TMEM128: variants seen among roughly 807,000 people sequenced by gnomAD.
The protein encoded by TMEM128 is transmembrane protein 128.
TMEM128 carries 16 observed loss-of-function variants against 19.7 expected under a neutral mutation model. That is an observed-to-expected ratio of 0.81 (90% CI 0.55 to 1.23). The LOEUF (loss-of-function observed/expected upper bound fraction) is 1.23, where lower values mean the gene tolerates loss of function less well. Among genes scored for constraint, TMEM128 ranks in the 50% most tolerant of loss-of-function variants. TMEM128 has a pLI of 0.00. For missense variants in TMEM128, 237 were observed against 200.8 expected (o/e 1.18, Z -1.09); for synonymous variants, 98 against 75.8 (o/e 1.29, Z -1.52).
rs779242372 is a variant in TMEM128 at position 4,248,195 on chromosome 4, G to A, written c.8C>T (p.Ser3Phe). The A allele has an allele frequency of 3.9e-6, 6 of 1,524,852 alleles. No individual in the cohort carries two copies. The South Asian group carries it at 4.8e-5, about 12-fold the overall frequency. The allele number at this position is 1,524,852 out of a possible 1,614,324, so 94.5% of individuals were successfully genotyped here. Reference protein sequence around the residue: MDSSRARQQLRRR... With the variant: MDFSRARQQLRRR... ...CCGGAGCTGCTGCCGGGCCCGCGAG[G>A]AGTCCATCTTGGTACCGCCCCGAAA... The change falls in exon 1 of 5, where the codon TCC (serine) becomes TTC (phenylalanine). Residue 3 changes from serine to phenylalanine, a missense_variant. By Grantham distance (155) the Ser-to-Phe change is radical. Coordinates refer to ENST00000382753, the MANE Select transcript of TMEM128 (RefSeq NM_001297551.2).
At chr4:4,239,666 T>G (rs111359189) in intron 3 of TMEM128, among the ~76,000 whole-genome samples, 1 of 151,794 alleles carries the variant, frequency 6.6e-6, no homozygotes, top group Non-Finnish European at 1.5e-5. Context: ...CTAAACACAA[T>G]CAACAAGGGA....
chr4:4,242,881 T>C (rs760848904), intron 2 of TMEM128, among the ~76,000 whole-genome samples: 26 of 152,154 alleles, frequency 1.7e-4, no homozygotes, highest in Non-Finnish European at 2.9e-5. Context: ...TCCTCGGCCC[T>C]GGCTTTATAT....
chr4:4,242,290 G>A (rs1449889208), intron 2 of TMEM128, among the ~76,000 whole-genome samples: 1 of 138,878 alleles, frequency 7.2e-6, no homozygotes, highest in Non-Finnish European at 1.6e-5. Flanking sequence ...GCTAGAGCAT[G>A]CAATCTCACT....
At chr4:4,237,785 C>G in intron 4 of TMEM128, 42 bp downstream of exon 4, 1 of 1,322,082 alleles carries the variant, frequency 7.6e-7, no homozygotes, top group Non-Finnish European at 1.1e-6. Context: ...AGACATTTTT[C>G]AAACGAGTTC....
In TMEM128 at chr4:4,248,114, G is replaced by C. The variant is rs999653186; in HGVS notation, c.89C>G (p.Ala30Gly). 1 of 1,536,218 alleles carries C rather than the reference G, an allele frequency of 6.5e-7. No individual in the cohort carries two copies. The highest frequency in any genetic ancestry group is 1.4e-5 in the African/African-American group (1 of 72,292). ...AEAQLDREGD[A>G]GPETSTAVEK... Reference sequence around the variant, plus strand: ...CTTGGTGCGCGCCTCACCCGGCCCGGCGTCACCCTCGCGGTCCAGCTGGGC... The same window carrying C: ...CTTGGTGCGCGCCTCACCCGGCCCGCCGTCACCCTCGCGGTCCAGCTGGGC... The change falls in exon 1 of 5, where the codon GCC (alanine) becomes GGC (glycine). Residue 30 changes from alanine to glycine, a missense_variant. By Grantham distance (60) the Ala-to-Gly change is moderately conservative. Coordinates refer to ENST00000382753, the MANE Select transcript of TMEM128 (RefSeq NM_001297551.2).
chr4:4,238,085 C>G lies in TMEM128; in HGVS notation c.399-150G>C. 3 of 508,862 alleles carry G rather than the reference C, an allele frequency of 5.9e-6. No homozygotes were observed. In the South Asian group the frequency reaches 9.9e-5, roughly 17 times the overall value. 31.5% of individuals were successfully genotyped at this position (508,862 alleles called of 1,614,324 possible). A position where few individuals can be genotyped will look rare whatever the true frequency, so the allele number is the denominator to read the frequency against. ...CATATTTCTCAAGTATGTGACTTAG[C>G]CAATGCTGGAAAGGAAAACTCTAGA... On this transcript the variant is annotated intron_variant, in intron 3 of 4. Coordinates refer to ENST00000382753, the MANE Select transcript of TMEM128 (RefSeq NM_001297551.2).
At chr4:4,240,248 C>T in intron 3 of TMEM128, 73 bp downstream of exon 3, 4 of 1,478,626 alleles carry the variant, frequency 2.7e-6, no homozygotes, top group Non-Finnish European at 3.7e-6. Flanking sequence ...GAAGTTTGGA[C>T]CAAGCATATC....
At position 4,236,242 on chromosome 4, in the gene TMEM128, T is replaced by A. The variant is rs1274325622; in HGVS notation, c.*24A>T. On this transcript the variant is annotated 3_prime_UTR_variant, in exon 5 of 5. Coordinates refer to ENST00000382753, the MANE Select transcript of TMEM128 (RefSeq NM_001297551.2). Reference sequence around the variant, plus strand: ...GAGTTCAAAGACAGCCTGGGCAACATAGAAGACCCTGTCTCTTAAAAAAAA... The same window carrying A: ...GAGTTCAAAGACAGCCTGGGCAACAAAGAAGACCCTGTCTCTTAAAAAAAA... 2 of 132,346 alleles carry A rather than the reference T, an allele frequency of 1.5e-5. No individual in the cohort carries two copies. The highest frequency in any genetic ancestry group is 3.1e-5 in the Non-Finnish European group (2 of 64,068). 8.2% of individuals were successfully genotyped at this position (132,346 alleles called of 1,614,324 possible). A position where few individuals can be genotyped will look rare whatever the true frequency, so the allele number is the denominator to read the frequency against.
At chr4:4,238,856 A>C (rs2108815337) in intron 3 of TMEM128, among the ~76,000 whole-genome samples, 1 of 152,290 alleles carries the variant, frequency 6.6e-6, no homozygotes, top group South Asian at 2.1e-4. Context: ...AGCACAGCGA[A>C]ACCCCATCTC....
chr4:4,236,970 G>A (rs1717746335), intron 4 of TMEM128: 1 of 374,764 alleles, frequency 2.7e-6, no homozygotes, highest in Non-Finnish European at 5.3e-6. Context: ...ATGCCCCTAA[G>A]CATCTGGAGT....
At chr4:4,238,109 G>C (rs1284303862) in intron 3 of TMEM128, among the ~76,000 whole-genome samples, 174 bp from the exon 4 acceptor site, 1 of 152,174 alleles carries the variant, frequency 6.6e-6, no homozygotes, top group African/African-American at 2.4e-5. Context: ...GAAAACTCTA[G>C]ATATACTTAA....
In TMEM128 at chr4:4,240,370, G is replaced by C. The variant is rs187417277; in HGVS notation, c.349C>G (p.Pro117Ala). 1.9e-6 allele frequency: 3 copies of C among 1,614,104 alleles called. No homozygotes were observed. The highest frequency in any genetic ancestry group is 3.3e-5 in the Admixed American group (2 of 60,008). ...CGIGEYDVKY[P>A]ALIPITTASF... The stretch of plus-strand genomic sequence containing the variant: ...GCAGTGGTAATGGGTATCAAGGCTG[G>C]ATACTTGACATCATATTCTCCAATT... The change falls in exon 3 of 5, where the codon CCA (proline) becomes GCA (alanine). Residue 117 changes from proline (P) to alanine (A), a missense_variant. Transcript: ENST00000382753.
At chr4:4,244,985 T>C (rs976593481) in intron 2 of TMEM128, among the ~76,000 whole-genome samples, 1 of 152,268 alleles carries the variant, frequency 6.6e-6, no homozygotes, top group African/African-American at 2.4e-5. Flanking sequence ...TTTTTCCTTG[T>C]GGCTCGACAG....
chr4:4,236,367 G>C (rs1016897661), intron 4 of TMEM128, 111 bp from the exon 5 acceptor site: 1 of 151,724 alleles, frequency 6.6e-6, no homozygotes, highest in African/African-American at 2.4e-5. Flanking sequence ...ACACTAAAAA[G>C]CATAGTTCAC....
chr4:4,246,621 TAAG>T (rs1238131790), intron 1 of TMEM128, among the ~76,000 whole-genome samples: 1 of 152,238 alleles, frequency 6.6e-6, no homozygotes, highest in Admixed American at 6.5e-5. Context: ...CCTGGAAATG[TAAG>T]AATTTTAATA....
chr4:4,248,050 C>G (rs1718269830), intron 1 of TMEM128, 56 bp downstream of exon 1: 7 of 1,527,894 alleles, frequency 4.6e-6, no homozygotes, highest in African/African-American at 1.4e-5. Context: ...CGGAGGCCGG[C>G]CGTTTTCCGA....
At chr4:4,243,067 G>A (rs1020186696) in intron 2 of TMEM128, among the ~76,000 whole-genome samples, 4 of 152,002 alleles carry the variant, frequency 2.6e-5, no homozygotes, top group African/African-American at 4.8e-5. Flanking sequence ...GTGTTGTTTT[G>A]TTATTATTTA....
chr4:4,244,811 C>G (rs4018314), intron 2 of TMEM128, among the ~76,000 whole-genome samples: 46,844 of 151,974 alleles, frequency 0.31, 7,821 homozygotes, highest in East Asian at 0.44. Flanking sequence ...GCTGAGCTAC[C>G]TTTGTCCAGT....
chr4:4,248,052 G>A, intron 1 of TMEM128, 54 bp downstream of exon 1: 1 of 1,528,188 alleles, frequency 6.5e-7, no homozygotes, highest in Non-Finnish European at 8.8e-7. Flanking sequence ...GAGGCCGGCC[G>A]TTTTCCGACG....
Sources: allele counts gnomAD v4.1 joint callset (sites outside exome capture counted in the v4.1 genomes callset), GRCh38; gene constraint gnomAD v4.1.1; transcripts MANE v1.5; gene names NCBI Gene and HGNC (gene_info 2026-07-23, HGNC 2026-07-21).